The following PEX14 variants were observed in gnomAD, a reference collection of about 807,000 sequenced individuals.
PEX14 encodes the protein peroxisomal membrane protein PEX14.
In PEX14, 15 loss-of-function variants were observed where a neutral mutation model predicts 49.5. That is an observed-to-expected ratio of 0.30 (90% CI 0.20 to 0.47). The LOEUF (loss-of-function observed/expected upper bound fraction) is 0.47. Ranked by LOEUF, PEX14 falls within the 20% of genes least tolerant of loss-of-function variation. PEX14 has a pLI of 1.00. For synonymous variants in PEX14, 210 were observed against 212.7 expected (o/e 0.99, Z 0.11); for missense variants, 398 against 494.8 (o/e 0.80, Z 1.86).
At chr1:10,625,538 C>G (rs1256506822) in intron 7 of PEX14, among the ~76,000 whole-genome samples, 2 of 152,204 alleles carry the variant, frequency 1.3e-5, no homozygotes. Context: ...AGGAATCTCC[C>G]CCCTGGATAT....
intron 2 of PEX14, among the ~76,000 whole-genome samples, chr1:10,508,585 A>G (rs983513095): frequency 6.6e-6 from 1 of 152,134 alleles, no homozygotes; most frequent in African/African-American, 2.4e-5. Context: ...CCCCCCCAGA[A>G]GTGCACCTCC....
rs533347141 is a variant in PEX14 at position 10,524,752 on chromosome 1, A to G, written c.85-11461A>G. 4.6e-5 allele frequency among the ~76,000 whole-genome samples: 7 copies of G among 152,312 alleles called. No homozygotes were observed. In the East Asian group the frequency reaches 1.3e-3, roughly 29 times the overall value. ...TCTGTCACCCAGGCTAGAGTGAAGC[A>G]GTACAATCATAGCTCAGTGTAACCT... On this transcript the variant is annotated intron_variant, in intron 2 of 8. Transcript: ENST00000356607.
chr1:10,499,725 G>T (rs1197741350), intron 2 of PEX14, among the ~76,000 whole-genome samples: 2 of 152,188 alleles, frequency 1.3e-5, no homozygotes, highest in Non-Finnish European at 2.9e-5. Context: ...GGGATTACAG[G>T]TGTGAGCCAA....
At position 10,539,593 on chromosome 1, in the gene PEX14, C is replaced by A. The variant is rs1473679759; in HGVS notation, c.169+3296C>A. 1.3e-5 allele frequency among the ~76,000 whole-genome samples: 2 copies of A among 151,552 alleles called. No homozygotes were observed. Among genetic ancestry groups the A allele is most frequent in the East Asian group, 3.9e-4 (2 of 5,170 alleles). On this transcript the variant is annotated intron_variant, in intron 3 of 8. Coordinates refer to ENST00000356607, the MANE Select transcript of PEX14 (RefSeq NM_004565.3). This position sits in a 1 kb window ranked among gnomAD's most constrained non-coding sequence, Gnocchi z 4.6. Reference sequence around the variant, plus strand: ...GTGTGGGGTTTAAGCCCTCATAGAACCAGTCTATATATAGAAGCAGTTCTT... The same window carrying A: ...GTGTGGGGTTTAAGCCCTCATAGAAACAGTCTATATATAGAAGCAGTTCTT...
chr1:10,511,600 C>T (rs1489984952), intron 2 of PEX14, among the ~76,000 whole-genome samples: 1 of 152,180 alleles, frequency 6.6e-6, no homozygotes, highest in Non-Finnish European at 1.5e-5. Flanking sequence ...GGACTATGGA[C>T]TCCTGACTTC....
In PEX14 at chr1:10,628,915, T is replaced by C. The variant is rs1013017401; in HGVS notation, c.678-616T>C. Among the ~76,000 whole-genome samples, 1 of 152,244 alleles carries C rather than the reference T, an allele frequency of 6.6e-6. No individual in the cohort carries two copies. Among genetic ancestry groups the C allele is most frequent in the African/African-American group, 2.4e-5 (1 of 41,476 alleles). On this transcript the variant is annotated intron_variant, in intron 8 of 8. Transcript: ENST00000356607. This position sits in a 1 kb window ranked among gnomAD's most constrained non-coding sequence, Gnocchi z 4.5. Reference sequence around the variant, plus strand: ...GGAATTGGCTTTGGTTTGGGCTGGCTGCTGGCCCAGGAACGGAGTACGGAG... The same window carrying C: ...GGAATTGGCTTTGGTTTGGGCTGGCCGCTGGCCCAGGAACGGAGTACGGAG...
chr1:10,535,782 T>TGTGTGTGTGTGC, intron 2 of PEX14: 1 of 318,318 alleles, frequency 3.1e-6, no homozygotes, highest in Non-Finnish European at 6.1e-6. Context: ...AGAACGTGTG[T>TGTGTGTGTGTGC]GTGTGTGTGT....
At position 10,629,132 on chromosome 1, in the gene PEX14, A is replaced by G. The variant is rs1224838349; in HGVS notation, c.678-399A>G. Among the ~76,000 whole-genome samples, 1 of 152,188 alleles carries G rather than the reference A, an allele frequency of 6.6e-6. No homozygotes were observed. Among genetic ancestry groups the G allele is most frequent in the Non-Finnish European group, 1.5e-5 (1 of 68,016 alleles). ...GCTCAGGTGTCTGGAGTCCCCAGTCATAGCCCTTTTGGACTCCTCACCAAC... is the reference window on the plus strand; with the variant it reads ...GCTCAGGTGTCTGGAGTCCCCAGTCGTAGCCCTTTTGGACTCCTCACCAAC... On this transcript the variant is annotated intron_variant, in intron 8 of 8. Coordinates refer to ENST00000356607, the MANE Select transcript of PEX14 (RefSeq NM_004565.3). The surrounding 1 kb of genome is among the most constrained non-coding windows in gnomAD (Gnocchi z 8.5).
intron 5 of PEX14, among the ~76,000 whole-genome samples, chr1:10,620,115 A>AAAAAAG (rs954365870): frequency 1.3e-4 from 20 of 152,002 alleles, no homozygotes; most frequent in East Asian, 3.9e-4. Context: ...ACTCCTTCTC[A>AAAAAAG]AAAAAGAAAA....
chr1:10,517,684 C>A (rs1641995005), intron 2 of PEX14, among the ~76,000 whole-genome samples: 1 of 131,050 alleles, frequency 7.6e-6, no homozygotes, highest in African/African-American at 2.7e-5. Context: ...GGAAGCAGAA[C>A]CTGTGATTTT....
At chr1:10,568,450 G>A (rs1400521442) in intron 3 of PEX14, among the ~76,000 whole-genome samples, 2 of 150,462 alleles carry the variant, frequency 1.3e-5, no homozygotes, top group African/African-American at 4.9e-5. Context: ...ATCACTTACA[G>A]AAATAATCAT....
intron 3 of PEX14, among the ~76,000 whole-genome samples, chr1:10,572,679 CG>C (rs1219424110): frequency 3.4e-5 from 3 of 87,072 alleles, no homozygotes; most frequent in Admixed American, 1.4e-4. Flanking sequence ...GGACTATAGG[CG>C]CCCCCCCCAC....
chr1:10,627,669 G>C (rs185864), intron 8 of PEX14, among the ~76,000 whole-genome samples: 29,540 of 152,238 alleles, frequency 0.19, 3,393 homozygotes, highest in African/African-American at 0.31. Context: ...AGAACTTCCT[G>C]GTTTGGCTCC....
chr1:10,499,339 G>T (rs909444520), intron 2 of PEX14, among the ~76,000 whole-genome samples: 8 of 152,026 alleles, frequency 5.3e-5, no homozygotes, highest in African/African-American at 1.9e-4. Flanking sequence ...TAATGGATGA[G>T]TCCTTGGCCA....
intron 3 of PEX14, among the ~76,000 whole-genome samples, chr1:10,571,680 G>A (rs996399569): frequency 2.0e-5 from 3 of 151,924 alleles, no homozygotes; most frequent in African/African-American, 7.3e-5. Flanking sequence ...GTGGTGGTGG[G>A]CGCCTGTATT....
chr1:10,604,547 T>A (rs751307402), intron 4 of PEX14, among the ~76,000 whole-genome samples: 3 of 151,758 alleles, frequency 2.0e-5, no homozygotes, highest in Non-Finnish European at 2.9e-5. Context: ...GGAGATCGAG[T>A]CTGCAGTGAA....
At chr1:10,499,586 T>C (rs1016830662) in intron 2 of PEX14, among the ~76,000 whole-genome samples, 41 of 151,964 alleles carry the variant, frequency 2.7e-4, no homozygotes, top group African/African-American at 9.4e-4. Context: ...GTAGCTGGGA[T>C]TACAGGTACG....
At chr1:10,551,957 G>A (rs1639346161) in intron 3 of PEX14, among the ~76,000 whole-genome samples, 1 of 152,114 alleles carries the variant, frequency 6.6e-6, no homozygotes, top group African/African-American at 2.4e-5. Context: ...GCCGGGTGTG[G>A]TGGCAGGCAC....
In PEX14 at chr1:10,628,466, C is replaced by T. The variant is rs1396795930; in HGVS notation, c.678-1065C>T. ...GGTCTTGCGGCTCCAGCCAGAAGAC[C>T]CCATTTTCCAAGCCACCCAACTTCC... On this transcript the variant is annotated intron_variant, in intron 8 of 8. Coordinates refer to ENST00000356607, the MANE Select transcript of PEX14 (RefSeq NM_004565.3). This position sits in a 1 kb window ranked among gnomAD's most constrained non-coding sequence, Gnocchi z 4.5. Among the ~76,000 whole-genome samples, 1 of 152,208 alleles carries T rather than the reference C, an allele frequency of 6.6e-6. No homozygotes were observed. Among genetic ancestry groups the T allele is most frequent in the Non-Finnish European group, 1.5e-5 (1 of 68,036 alleles).
Sources: gnomAD v4.1 joint callset for allele counts (sites outside exome capture counted in the v4.1 genomes callset) on GRCh38, gnomAD v4.1.1 for gene constraint, Gnocchi (gnomAD v3.1) non-coding constraint, MANE v1.5 for transcripts, NCBI Gene and HGNC (gene_info 2026-07-23, HGNC 2026-07-21) for gene names.